Variants in IPMK observed in about 807,000 individuals in gnomAD.
IPMK encodes inositol 1,3,4,6-tetrakisphosphate 5-kinase.
IPMK carries 17 observed loss-of-function variants against 45.8 expected under a neutral mutation model. The observed-to-expected ratio is 0.37, with a 90% CI of 0.25 to 0.56. The LOEUF (loss-of-function observed/expected upper bound fraction) is 0.56. Ranked by LOEUF, IPMK falls within the 20% of genes least tolerant of loss-of-function variation. The probability of loss-of-function intolerance (pLI) is 0.79; values close to 1 mark genes in which losing one functional copy is unlikely to be tolerated. For missense variants in IPMK, 399 were observed against 498.0 expected (o/e 0.80, Z 1.89); for synonymous variants, 180 against 184.3 (o/e 0.98, Z 0.19).
At chr10:58,233,898 T>G (rs1186483847) in intron 2 of IPMK, among the ~76,000 whole-genome samples, 1 of 152,218 alleles carries the variant, frequency 6.6e-6, no homozygotes, top group Non-Finnish European at 1.5e-5. Flanking sequence ...GTAGATGACA[T>G]GATTGTATAT....
At position 58,267,624 on chromosome 10, in the gene IPMK, A is replaced by G; in HGVS notation, c.-13T>C. 1.3e-6 allele frequency: 2 copies of G among 1,572,928 alleles called. No individual in the cohort carries two copies. Among genetic ancestry groups the G allele is most frequent in the Non-Finnish European group, 1.7e-6 (2 of 1,155,934 alleles). Reference sequence around the variant, plus strand: ...GCTCTGTTGCCATAACGGAGAGCAGAAGCGGTAACGGCAGCGAGAGTAGGA... The same window carrying G: ...GCTCTGTTGCCATAACGGAGAGCAGGAGCGGTAACGGCAGCGAGAGTAGGA... On this transcript the variant is annotated 5_prime_UTR_variant, in exon 1 of 6. Coordinates refer to ENST00000373935, the MANE Select transcript of IPMK (RefSeq NM_152230.5).
At position 58,196,043 on chromosome 10, in the gene IPMK, G is replaced by A; in HGVS notation, c.*33C>T. 6.3e-7 allele frequency: 1 copy of A among 1,576,818 alleles called. No individual in the cohort carries two copies. The highest frequency in any genetic ancestry group is 8.6e-7 in the Non-Finnish European group (1 of 1,159,414). On this transcript the variant is annotated 3_prime_UTR_variant, in exon 6 of 6. Coordinates refer to ENST00000373935, the MANE Select transcript of IPMK (RefSeq NM_152230.5). Reference sequence around the variant, plus strand: ...TTGACTGCCCCTCTTCATTATGATTGGCCCACCCCTTAAAAAGACTGCAAC... The same window carrying A: ...TTGACTGCCCCTCTTCATTATGATTAGCCCACCCCTTAAAAAGACTGCAAC...
intron 3 of IPMK, 88 bp downstream of exon 3, chr10:58,226,955 C>T (rs1243982339): frequency 3.9e-5 from 30 of 776,228 alleles, no homozygotes; most frequent in Non-Finnish European, 5.7e-5. Flanking sequence ...ATAATACATA[C>T]TCAGTTAAAT....
chr10:58,202,128 T>A (rs1340134949), intron 4 of IPMK, among the ~76,000 whole-genome samples: 1 of 152,182 alleles, frequency 6.6e-6, no homozygotes, highest in East Asian at 1.9e-4. Context: ...GTGAAGTAGT[T>A]GTAGAAGCTA....
rs865973229 is a variant in IPMK at position 58,197,482 on chromosome 10, C to T, written c.629-784G>A. On this transcript the variant is annotated intron_variant, in intron 5 of 5. Coordinates refer to ENST00000373935, the MANE Select transcript of IPMK (RefSeq NM_152230.5). ...TGGCTAACACGGTGAAACCTCGTCT[C>T]TACTAAAAACACAAAAAATTAGCTG... Among the ~76,000 whole-genome samples, 3 of 150,900 alleles carry T rather than the reference C, an allele frequency of 2.0e-5. No homozygotes were observed. The South Asian group carries it at 6.3e-4, about 32-fold the overall frequency.
intron 1 of IPMK, among the ~76,000 whole-genome samples, chr10:58,245,124 T>C (rs1473849890): frequency 6.6e-6 from 1 of 151,804 alleles, no homozygotes; most frequent in Non-Finnish European, 1.5e-5. Flanking sequence ...TGTCTTATGC[T>C]AAAGCATGGA....
intron 2 of IPMK, among the ~76,000 whole-genome samples, chr10:58,229,462 C>T (rs570988090): frequency 6.7e-6 from 1 of 148,678 alleles, no homozygotes; most frequent in South Asian, 2.1e-4. Flanking sequence ...ACTCAGGAAG[C>T]TGAGGCAGGA....
intron 4 of IPMK, among the ~76,000 whole-genome samples, chr10:58,208,005 A>C (rs1238656510): frequency 6.6e-6 from 1 of 151,898 alleles, no homozygotes; most frequent in African/African-American, 2.4e-5. Flanking sequence ...CAGTGGCGCG[A>C]TCTCGGCTCA....
chr10:58,214,819 G>A (rs1263432940), intron 4 of IPMK, among the ~76,000 whole-genome samples: 3 of 152,128 alleles, frequency 2.0e-5, no homozygotes, highest in Admixed American at 1.3e-4. Context: ...TTTGTTTAGA[G>A]GACTTTACAC....
At chr10:58,245,192 C>G (rs1838778549) in intron 1 of IPMK, among the ~76,000 whole-genome samples, 2 of 150,240 alleles carry the variant, frequency 1.3e-5, no homozygotes, top group Non-Finnish European at 2.9e-5. Context: ...AAGATAAATA[C>G]TACATGATTA....
intron 1 of IPMK, among the ~76,000 whole-genome samples, chr10:58,249,700 G>T (rs1329388345): frequency 2.6e-5 from 4 of 152,150 alleles, no homozygotes; most frequent in Non-Finnish European, 4.4e-5. Flanking sequence ...TTTTTGGCTT[G>T]ATGTAACCCC....
chr10:58,213,520 T>C (rs1564530131), intron 4 of IPMK, among the ~76,000 whole-genome samples: 2 of 151,506 alleles, frequency 1.3e-5, no homozygotes, highest in Non-Finnish European at 2.9e-5. Flanking sequence ...CCATATCTAC[T>C]AAAAAAAATA....
intron 1 of IPMK, among the ~76,000 whole-genome samples, chr10:58,247,792 A>T (rs1040209225): frequency 3.9e-5 from 6 of 152,306 alleles, no homozygotes; most frequent in Admixed American, 6.5e-5. Context: ...GTACCCTAAA[A>T]CTTAAAGTAT....
At chr10:58,232,810 A>G in intron 2 of IPMK, among the ~76,000 whole-genome samples, 1 of 152,224 alleles carries the variant, frequency 6.6e-6, no homozygotes, top group Non-Finnish European at 1.5e-5. Context: ...AGCTAGCAGA[A>G]GGCAAAAAAT....
chr10:58,254,271 T>C (rs1838930968), intron 1 of IPMK, among the ~76,000 whole-genome samples: 1 of 152,222 alleles, frequency 6.6e-6, no homozygotes, highest in African/African-American at 2.4e-5. Flanking sequence ...TCATAGCTTC[T>C]ACCCTCAAGC....
intron 3 of IPMK, among the ~76,000 whole-genome samples, chr10:58,223,823 G>C (rs1013362041): frequency 6.6e-6 from 1 of 152,148 alleles, no homozygotes; most frequent in Non-Finnish European, 1.5e-5. Context: ...AGATCTGATA[G>C]TTTTAAAAGT....
chr10:58,245,071 C>CAAAT (rs113194068), intron 1 of IPMK, among the ~76,000 whole-genome samples: 49,814 of 147,994 alleles, frequency 0.34, 10,515 homozygotes, highest in African/African-American at 0.6. Context: ...ATAAAATAAA[C>CAAAT]AAATTAAAAT....
At chr10:58,220,467 G>C (rs1313228780) in intron 3 of IPMK, among the ~76,000 whole-genome samples, 9 of 152,134 alleles carry the variant, frequency 5.9e-5, no homozygotes, top group African/African-American at 1.7e-4. Flanking sequence ...TTTAGAAGAA[G>C]AAAAAGGAGG....
At chr10:58,237,103 A>T (rs1838625044) in intron 2 of IPMK, among the ~76,000 whole-genome samples, 1 of 152,098 alleles carries the variant, frequency 6.6e-6, no homozygotes, top group African/African-American at 2.4e-5. Flanking sequence ...ACTAGAAAAG[A>T]TGCTATGTAT....
Sources: gnomAD v4.1 joint callset for allele counts (sites outside exome capture counted in the v4.1 genomes callset) on GRCh38, gnomAD v4.1.1 for gene constraint, MANE v1.5 for transcripts, NCBI Gene and HGNC (gene_info 2026-07-23, HGNC 2026-07-21) for gene names.